The following CALN1 variants were observed in gnomAD, a reference collection of about 807,000 sequenced individuals.
CALN1 encodes the protein calneuron 1.
A neutral mutation model predicts 30.6 loss-of-function variants in CALN1; 17 were observed. The observed-to-expected ratio is 0.56, with a 90% confidence interval of 0.38 to 0.83. The LOEUF (loss-of-function observed/expected upper bound fraction) is 0.83. Among genes scored for constraint, CALN1 ranks in the 40% least tolerant of loss-of-function variants. The pLI, the probability that CALN1 is intolerant of heterozygous loss-of-function variation, is 0.00. For missense variants in CALN1, 291 were observed against 354.9 expected (o/e 0.82, Z 1.45); for synonymous variants, 156 against 131.4 (o/e 1.19, Z -1.28).
In CALN1 at chr7:71,782,664, G is replaced by A. The variant is rs1792781616; in HGVS notation, c.*5111C>T. The A allele has an allele frequency of 6.6e-6, 1 of 152,162 alleles. No homozygotes were observed. Among genetic ancestry groups the A allele is most frequent in the Admixed American group, 6.5e-5 (1 of 15,268 alleles). The allele number at this position is 152,162 out of a possible 1,614,324, so 9.4% of individuals were successfully genotyped here. ...ATCATGGAGACTGGGTCGGTAAGAGGCAGCCCAAATTCTCCTCTATGTTGC... is the reference window on the plus strand; with the variant it reads ...ATCATGGAGACTGGGTCGGTAAGAGACAGCCCAAATTCTCCTCTATGTTGC... On this transcript the variant is annotated 3_prime_UTR_variant, in exon 7 of 7. Coordinates refer to ENST00000395275, the MANE Select transcript of CALN1 (RefSeq NM_031468.4).
At chr7:71,868,229 C>T (rs898082128) in intron 5 of CALN1, among the ~76,000 whole-genome samples, 1 of 152,120 alleles carries the variant, frequency 6.6e-6, no homozygotes, top group Non-Finnish European at 1.5e-5. Context: ...CATTGGCTCA[C>T]AGTTCCATGG....
chr7:72,346,484 T>G (rs1307527627), intron 2 of CALN1, among the ~76,000 whole-genome samples: 1 of 152,192 alleles, frequency 6.6e-6, no homozygotes, highest in East Asian at 1.9e-4. Context: ...CATATATAAT[T>G]TTTAATTTGA....
intron 2 of CALN1, chr7:72,336,638 G>A (rs1022603751): frequency 2.8e-5 from 27 of 959,108 alleles, no homozygotes; most frequent in African/African-American, 1.8e-4. Context: ...AGAGAAGCGA[G>A]GACCGAGGGA....
In CALN1 at chr7:72,362,638, A is replaced by G. The variant is rs73702928; in HGVS notation, c.119+40613T>C. ...CACTCTTTTACCGCAAGTTCTCTCT[A>G]CCCCTCCACACAGCTGGCTGTCATT... On this transcript the variant is annotated intron_variant, in intron 2 of 6. Transcript: ENST00000395275. Among the ~76,000 whole-genome samples the G allele has an allele frequency of 9.3e-3, 1,403 of 151,340 alleles. 21 individuals are homozygous for G. Among genetic ancestry groups the G allele is most frequent in the African/African-American group, 0.032 (1,336 of 41,192 alleles).
chr7:72,263,763 T>C (rs899245663), intron 3 of CALN1, among the ~76,000 whole-genome samples: 1 of 152,156 alleles, frequency 6.6e-6, no homozygotes, highest in Non-Finnish European at 1.5e-5. Context: ...GGAACTAGTG[T>C]TCATTTATTC....
intron 2 of CALN1, among the ~76,000 whole-genome samples, chr7:72,350,352 T>A (rs1182153413): frequency 1.3e-5 from 2 of 152,200 alleles, no homozygotes; most frequent in Non-Finnish European, 2.9e-5. Flanking sequence ...ACAGCACTAT[T>A]CACAATAGTA....
Position 71,953,861 on chromosome 7 carries a change from G to A in CALN1, c.501+69796C>T, listed in dbSNP as rs75545363. On this transcript the variant is annotated intron_variant, in intron 5 of 6. Coordinates refer to ENST00000395275, the MANE Select transcript of CALN1 (RefSeq NM_031468.4). ...GAGGCACCTGTCTCCTGGGGGGTGAGGGAGGCAGCTAGGAAATGTCTTCAT... is the reference window on the plus strand; with the variant it reads ...GAGGCACCTGTCTCCTGGGGGGTGAAGGAGGCAGCTAGGAAATGTCTTCAT... Among the ~76,000 whole-genome samples the A allele has an allele frequency of 8.5e-3, 1,291 of 152,144 alleles. 4 individuals are homozygous for A. Among genetic ancestry groups the A allele is most frequent in the Middle Eastern group, 0.044 (13 of 294 alleles).
At chr7:72,017,016 A>AAAAAAAAAAAAAAAAAAAAG in intron 5 of CALN1, among the ~76,000 whole-genome samples, 1 of 147,302 alleles carries the variant, frequency 6.8e-6, no homozygotes, top group African/African-American at 2.6e-5. Flanking sequence ...AAAAAAAAAA[A>AAAAAAAAAAAAAAAAAAAAG]AGCTGGGTAT....
chr7:72,291,758 A>G (rs1798490006), intron 2 of CALN1, among the ~76,000 whole-genome samples: 1 of 152,138 alleles, frequency 6.6e-6, no homozygotes, highest in South Asian at 2.1e-4. Context: ...GATGACAGGC[A>G]TGTACCACAA....
intron 3 of CALN1, among the ~76,000 whole-genome samples, chr7:72,119,620 G>A (rs1272227709): frequency 6.6e-6 from 1 of 151,688 alleles, no homozygotes; most frequent in Admixed American, 6.6e-5. Flanking sequence ...TAAAGAAAAA[G>A]GGGTTTAATG....
At chr7:72,142,719 AC>A (rs1361980813) in intron 3 of CALN1, among the ~76,000 whole-genome samples, 1 of 151,810 alleles carries the variant, frequency 6.6e-6, no homozygotes, top group Non-Finnish European at 1.5e-5. Flanking sequence ...ACTGGGAAGC[AC>A]CCCCCAGTAG....
chr7:72,249,000 G>A (rs528334933), intron 3 of CALN1, among the ~76,000 whole-genome samples: 5 of 152,240 alleles, frequency 3.3e-5, no homozygotes, highest in South Asian at 4.2e-4. Flanking sequence ...AAAGGAAAGC[G>A]AGGCAAATTA....
At chr7:72,238,855 T>C (rs913868653) in intron 3 of CALN1, among the ~76,000 whole-genome samples, 2 of 152,130 alleles carry the variant, frequency 1.3e-5, no homozygotes, top group Admixed American at 6.5e-5. Context: ...ATGTCTTTAT[T>C]AGCAGCATGA....
At chr7:72,140,224 T>C (rs1365479006) in intron 3 of CALN1, among the ~76,000 whole-genome samples, 2 of 150,764 alleles carry the variant, frequency 1.3e-5, no homozygotes, top group African/African-American at 4.9e-5. Flanking sequence ...TGAGTCATGA[T>C]TGCACAACTT....
chr7:71,922,207 T>C (rs924980870), intron 5 of CALN1, among the ~76,000 whole-genome samples: 2 of 152,204 alleles, frequency 1.3e-5, no homozygotes, highest in Non-Finnish European at 1.5e-5. Flanking sequence ...CTCTTTTAAT[T>C]ACTTATCTTG....
chr7:72,382,309 A>G (rs919259730), intron 2 of CALN1, among the ~76,000 whole-genome samples: 1 of 152,212 alleles, frequency 6.6e-6, no homozygotes, highest in Non-Finnish European at 1.5e-5. Flanking sequence ...AGAAAGGGAG[A>G]AAAATGACAG....
At chr7:72,250,967 C>G (rs1178405705) in intron 3 of CALN1, among the ~76,000 whole-genome samples, 1 of 152,154 alleles carries the variant, frequency 6.6e-6, no homozygotes, top group Non-Finnish European at 1.5e-5. Flanking sequence ...TTCCTTTATC[C>G]TTGGCTGTTG....
chr7:71,885,477 T>C (rs1792847460), intron 5 of CALN1, among the ~76,000 whole-genome samples: 1 of 152,232 alleles, frequency 6.6e-6, no homozygotes, highest in Admixed American at 6.5e-5. Flanking sequence ...TAAATGTATT[T>C]GATTGATGTC....
At chr7:72,449,923 A>G (rs1808628021), upstream of CALN1, among the ~76,000 whole-genome samples, 1 of 141,156 alleles carries the variant, frequency 7.1e-6, no homozygotes, top group African/African-American at 2.6e-5. Context: ...TCAGCTATTT[A>G]GGCTGGACAC....
Sources: allele counts gnomAD v4.1 joint callset (sites outside exome capture counted in the v4.1 genomes callset), GRCh38; gene constraint gnomAD v4.1.1; transcripts MANE v1.5; gene names NCBI Gene and HGNC (gene_info 2026-07-23, HGNC 2026-07-21).